Variants in SYNE2 observed in about 807,000 individuals in gnomAD.
SYNE2 encodes the protein spectrin repeat containing nuclear envelope protein 2, also known as nesprin-2.
SYNE2 carries 431 observed loss-of-function variants against 856.3 expected under a neutral mutation model. That is an observed-to-expected ratio of 0.50 (90% CI 0.47 to 0.55). The LOEUF is 0.55. Ranked by LOEUF, SYNE2 falls within the 20% of genes least tolerant of loss-of-function variation. The pLI is 0.00. For missense variants in SYNE2, 8,129 were observed against 8,023.2 expected (o/e 1.01, Z -0.50); for synonymous variants, 2,923 against 2,872.3 (o/e 1.02, Z -0.56).
At position 64,037,685 on chromosome 14, in the gene SYNE2, CCCTCACT is replaced by C. The variant is rs1454160519; in HGVS notation, c.7221+6329_7221+6335del. The stretch of plus-strand genomic sequence containing the variant: ...CAGGGTGGTGGCCGGGCAGAGGGGC[CCCTCACT>C]TCCCAGTAGGGGCGGCCGGGCAGAG... On this transcript the variant is annotated intron_variant, in intron 45 of 115. Coordinates refer to ENST00000555002, the MANE Select transcript of SYNE2 (RefSeq NM_182914.3). Among the ~76,000 whole-genome samples the C allele has an allele frequency of 1.4e-3, 23 of 16,620 alleles. 1 individual carries two copies. Among genetic ancestry groups the C allele is most frequent in the Non-Finnish European group, 1.8e-3 (6 of 3,290 alleles). The allele number at this position is 16,620 out of a possible 152,430, so 10.9% of individuals were successfully genotyped here.
intron 89 of SYNE2, among the ~76,000 whole-genome samples, chr14:64,164,865 T>A (rs1355081215): frequency 1.4e-5 from 2 of 141,212 alleles, no homozygotes; most frequent in African/African-American, 5.4e-5. Context: ...TTTTTTATTT[T>A]TTGTTTTTTT....
intron 66 of SYNE2, among the ~76,000 whole-genome samples, chr14:64,114,188 TC>T (rs1394863660): frequency 6.6e-6 from 1 of 152,146 alleles, no homozygotes; most frequent in Admixed American, 6.5e-5. Context: ...GATATAAACT[TC>T]CTTGCCGCTA....
chr14:64,031,382 A>G (rs2097033054), intron 45 of SYNE2, 25 bp downstream of exon 45: 1 of 1,595,414 alleles, frequency 6.3e-7, no homozygotes, highest in Non-Finnish European at 8.6e-7. Flanking sequence ...TTGCACTTTC[A>G]AGACAGTGAG....
At chr14:64,220,884 G>A (rs904825935) in intron 111 of SYNE2, among the ~76,000 whole-genome samples, 12 of 152,082 alleles carry the variant, frequency 7.9e-5, no homozygotes, top group African/African-American at 2.4e-4. Context: ...TCCTGCAGGC[G>A]ACCTGTAGGT....
chr14:63,951,539 G>A (rs941145525), intron 7 of SYNE2, among the ~76,000 whole-genome samples: 1 of 152,154 alleles, frequency 6.6e-6, no homozygotes, highest in Admixed American at 6.5e-5. Flanking sequence ...CTGACCTCAG[G>A]TGATCTGCCC....
At chr14:64,157,309 A>G (rs2098294144) in intron 85 of SYNE2, among the ~76,000 whole-genome samples, 1 of 152,070 alleles carries the variant, frequency 6.6e-6, no homozygotes, top group African/African-American at 2.4e-5. Flanking sequence ...GGATTTACCT[A>G]TTCTGGACGT....
At chr14:64,172,681 C>T (rs1049418086) in intron 94 of SYNE2, among the ~76,000 whole-genome samples, 8 of 152,050 alleles carry the variant, frequency 5.3e-5, no homozygotes, top group Admixed American at 2.0e-4. Context: ...GCTGAAATCC[C>T]AACACTTTGG....
chr14:64,049,014 A>G (rs1415801168), intron 46 of SYNE2: 2 of 152,176 alleles, frequency 1.3e-5, no homozygotes, highest in African/African-American at 2.4e-5. Flanking sequence ...TGATGTATGT[A>G]AATAATAAAA....
intron 1 of SYNE2, among the ~76,000 whole-genome samples, chr14:63,801,731 C>T (rs1369819819): frequency 6.6e-6 from 1 of 151,658 alleles, no homozygotes; most frequent in Non-Finnish European, 1.5e-5. Context: ...AAGGATAATT[C>T]TATTTAAAAT....
chr14:64,199,838 G>C (rs2098554555), intron 99 of SYNE2, among the ~76,000 whole-genome samples: 1 of 151,742 alleles, frequency 6.6e-6, no homozygotes, highest in African/African-American at 2.4e-5. Context: ...TAATTTTAAA[G>C]CATACACATT....
intron 2 of SYNE2, among the ~76,000 whole-genome samples, chr14:63,910,584 GT>G (rs2095461093): frequency 6.6e-6 from 1 of 152,196 alleles, no homozygotes; most frequent in African/African-American, 2.4e-5. Context: ...TTTCTATGAT[GT>G]TTTGGTTGCA....
At chr14:63,903,477 C>T (rs982807894) in intron 1 of SYNE2, among the ~76,000 whole-genome samples, 3 of 151,838 alleles carry the variant, frequency 2.0e-5, no homozygotes, top group African/African-American at 7.3e-5. Context: ...TTTTCTGACA[C>T]CTTTGTTATT....
intron 18 of SYNE2, among the ~76,000 whole-genome samples, chr14:63,984,458 G>A (rs1010155706): frequency 2.0e-5 from 3 of 152,138 alleles, no homozygotes; most frequent in Non-Finnish European, 4.4e-5. Context: ...TTATTTTCTT[G>A]AGATTACTTC....
intron 99 of SYNE2, 95 bp downstream of exon 99, chr14:64,190,332 C>T (rs1230672095): frequency 1.3e-5 from 20 of 1,527,868 alleles, no homozygotes; most frequent in Non-Finnish European, 4.5e-6. Context: ...GATGATCCAG[C>T]AATTTTATAA....
chr14:64,142,321 A>C (rs959134143), intron 82 of SYNE2, among the ~76,000 whole-genome samples: 13 of 152,072 alleles, frequency 8.5e-5, no homozygotes, highest in Admixed American at 6.6e-4. Flanking sequence ...CTTTTAACAG[A>C]CTGTGGTCTC....
intron 44 of SYNE2, 90 bp downstream of exon 44, chr14:64,030,149 T>C: frequency 1.5e-6 from 2 of 1,299,144 alleles, no homozygotes; most frequent in South Asian, 2.5e-5. Context: ...CTGTCAGAAA[T>C]TCCAGTGGTA....
In SYNE2 at chr14:63,940,683, A is replaced by G. The variant is rs1238219861; in HGVS notation, c.141+8A>G. On this transcript the variant is annotated splice_region_variant and intron_variant, in intron 3 of 115. Transcript: ENST00000555002. ...AACTCACAGTTGGCCAGGGTAAGCA[A>G]ATGAAGACCAAATTAGTTTATAAAT... 1 of 1,613,580 alleles carries G rather than the reference A, an allele frequency of 6.2e-7. No homozygotes were observed. The highest frequency in any genetic ancestry group is 1.7e-5 in the Admixed American group (1 of 60,012).
intron 97 of SYNE2, 97 bp downstream of exon 97, chr14:64,186,676 G>A (rs1427344596): frequency 7.7e-6 from 12 of 1,554,932 alleles, no homozygotes; most frequent in African/African-American, 6.8e-5. Flanking sequence ...TCATTGAACC[G>A]GAGGCCCTTT....
At position 64,225,665 on chromosome 14, in the gene SYNE2, C is replaced by CT; in HGVS notation, c.*139_*140insT. 1 of 961,650 alleles carries CT rather than the reference C, an allele frequency of 1.0e-6. No homozygotes were observed. The highest frequency in any genetic ancestry group is 1.6e-6 in the Non-Finnish European group (1 of 615,596). 59.6% of individuals were successfully genotyped at this position (961,650 alleles called of 1,614,324 possible). A position where few individuals can be genotyped will look rare whatever the true frequency, so the allele number is the denominator to read the frequency against. ...AGACTTCTTCTGGGCTTACCCAGCA[C>CT]GGGCTCCCTGGAGCCCAGGGCAGCT... On this transcript the variant is annotated 3_prime_UTR_variant, in exon 116 of 116. Coordinates refer to ENST00000555002, the MANE Select transcript of SYNE2 (RefSeq NM_182914.3).
Sources: allele counts gnomAD v4.1 joint callset (sites outside exome capture counted in the v4.1 genomes callset), GRCh38; gene constraint gnomAD v4.1.1; transcripts MANE v1.5; gene names NCBI Gene and HGNC (gene_info 2026-07-23, HGNC 2026-07-21).